NAV3: variants seen among roughly 807,000 people sequenced by gnomAD.
NAV3 encodes the protein neuron navigator 3, also known as pore membrane and/or filament interacting like protein 1.
NAV3 carries 87 observed loss-of-function variants against 244.7 expected under a neutral mutation model. The observed-to-expected ratio is 0.36, with a 90% confidence interval of 0.30 to 0.42. NAV3 has a LOEUF of 0.42. Among genes scored for constraint, NAV3 ranks in the 20% least tolerant of loss-of-function variants. The pLI is 1.00. For missense variants in NAV3, 2,663 were observed against 2,893.3 expected, an observed-to-expected ratio of 0.92 and a Z score of 1.83; for synonymous variants, 1,126 against 1,042.2, an observed-to-expected ratio of 1.08 and a Z score of -1.55.
At chr12:77,718,265 G>A (rs923124161) in intron 2 of NAV3, among the ~76,000 whole-genome samples, 1 of 152,088 alleles carries the variant, frequency 6.6e-6, no homozygotes, top group Non-Finnish European at 1.5e-5. Context: ...TGTACAATAA[G>A]GCTCAAATTT....
intron 1 of NAV3, among the ~76,000 whole-genome samples, chr12:77,860,240 G>A (rs1184603445): frequency 6.6e-6 from 1 of 151,270 alleles, no homozygotes; most frequent in Non-Finnish European, 1.5e-5. Flanking sequence ...GGAAAGAAAG[G>A]ACAACTAAGA....
chr12:77,936,097 C>G (rs1889302742), intron 1 of NAV3, among the ~76,000 whole-genome samples: 1 of 152,152 alleles, frequency 6.6e-6, no homozygotes, highest in African/African-American at 2.4e-5. Flanking sequence ...AAGAAATGTT[C>G]AATCAAAGTC....
At chr12:77,971,701 T>G (rs1022500275) in intron 5 of NAV3, among the ~76,000 whole-genome samples, 1 of 152,126 alleles carries the variant, frequency 6.6e-6, no homozygotes, top group Non-Finnish European at 1.5e-5. Context: ...TGATTTATGA[T>G]GCCTTTCTAT....
rs1292451475 is a variant in NAV3 at position 78,177,208 on chromosome 12, A to T, written c.5192A>T (p.Asp1731Val). 2 of 1,613,496 alleles carry T rather than the reference A, an allele frequency of 1.2e-6. No homozygotes were observed. The highest frequency in any genetic ancestry group is 1.7e-6 in the Non-Finnish European group (2 of 1,179,606). The stretch of plus-strand genomic sequence containing the variant: ...ACCAAGCCTCCTTCATCACATTCTG[A>T]CATTGAAGAGCTTACTGATTCATCC... Reference protein sequence around the residue: ...KSTKPPSSHSDIEELTDSSLP... With the variant: ...KSTKPPSSHSVIEELTDSSLP... The change falls in exon 27 of 40, where the codon GAC (aspartate) becomes GTC (valine). Residue 1731 changes from aspartate to valine, a missense_variant. Asp to Val is a radical substitution (Grantham distance 152, BLOSUM62 -3). Coordinates refer to ENST00000397909, the MANE Select transcript of NAV3 (RefSeq NM_001024383.2).
At position 77,861,233 on chromosome 12, in the gene NAV3, C is replaced by CT. The variant is rs1441758884; in HGVS notation, c.243+29537dup. On this transcript the variant is annotated intron_variant, in intron 1 of 39. Transcript: ENST00000397909. The stretch of plus-strand genomic sequence containing the variant: ...AAAAAAGGAACCGTGTATCTTTCTT[C>CT]TTTTTTTTCCTATTTGTACAGATGA... Among the ~76,000 whole-genome samples, 5 of 151,508 alleles carry CT rather than the reference C, an allele frequency of 3.3e-5. No individual in the cohort carries two copies. In the South Asian group the frequency reaches 6.2e-4, roughly 19 times the overall value.
intron 11 of NAV3, among the ~76,000 whole-genome samples, chr12:78,057,700 T>C (rs1417743058): frequency 3.9e-5 from 6 of 152,214 alleles, no homozygotes; most frequent in Admixed American, 6.6e-5. Context: ...GAGCATATCA[T>C]TGCTGTTTCC....
intron 2 of NAV3, among the ~76,000 whole-genome samples, chr12:77,805,808 G>A (rs1338421171): frequency 6.6e-6 from 1 of 152,024 alleles, no homozygotes; most frequent in African/African-American, 2.4e-5. Flanking sequence ...GGGTTTTTTT[G>A]GTTGGTAGGT....
intron 2 of NAV3, among the ~76,000 whole-genome samples, chr12:77,714,348 T>G (rs1179255746): frequency 6.6e-6 from 1 of 152,076 alleles, no homozygotes; most frequent in African/African-American, 2.4e-5. Flanking sequence ...ATTTTTTTAT[T>G]GTTGTTGTTT....
intron 4 of NAV3, among the ~76,000 whole-genome samples, chr12:77,967,058 A>G (rs1197331619): frequency 6.6e-6 from 1 of 152,094 alleles, no homozygotes; most frequent in Non-Finnish European, 1.5e-5. Context: ...AATGACCAAG[A>G]AGCTTAGGTT....
At chr12:77,824,241 ATTT>A (rs61710960) in intron 2 of NAV3, among the ~76,000 whole-genome samples, 10 of 104,896 alleles carry the variant, frequency 9.5e-5, no homozygotes, top group African/African-American at 2.3e-4. Flanking sequence ...GCCCAACTAA[ATTT>A]TTTTTTTTTT....
chr12:77,858,067 A>G (rs1878666870), intron 1 of NAV3, among the ~76,000 whole-genome samples: 1 of 152,060 alleles, frequency 6.6e-6, no homozygotes, highest in Non-Finnish European at 1.5e-5. Flanking sequence ...TGAGCTTAGG[A>G]ATTTTAAGGG....
At chr12:77,890,340 T>C (rs1369452777) in intron 1 of NAV3, among the ~76,000 whole-genome samples, 1 of 152,046 alleles carries the variant, frequency 6.6e-6, no homozygotes, top group Non-Finnish European at 1.5e-5. Flanking sequence ...GGTCTCAAAC[T>C]CCTTAGCTCA....
At chr12:77,895,955 T>TAAAAAA (rs755975061) in intron 1 of NAV3, among the ~76,000 whole-genome samples, 1 of 104,620 alleles carries the variant, frequency 9.6e-6, no homozygotes, top group African/African-American at 3.6e-5. Flanking sequence ...CAATTTCCAG[T>TAAAAAA]AAAAAAAAAA....
chr12:78,097,806 T>G (rs1447308514), intron 12 of NAV3, among the ~76,000 whole-genome samples: 18 of 152,164 alleles, frequency 1.2e-4, no homozygotes, highest in Admixed American at 1.2e-3. Flanking sequence ...TTGTTGAGCT[T>G]TATCTAAGCT....
chr12:78,075,423 A>G (rs1378914823), intron 12 of NAV3, among the ~76,000 whole-genome samples: 2 of 152,182 alleles, frequency 1.3e-5, no homozygotes, highest in African/African-American at 4.8e-5. Context: ...TGAGAAAAAA[A>G]AAGTATGTAT....
chr12:77,586,707 G>T lies in NAV3; in HGVS notation c.72+14441G>T, dbSNP rs140819568. Among the ~76,000 whole-genome samples, 289 of 152,228 alleles carry T rather than the reference G, an allele frequency of 1.9e-3. 1 individual carries two copies. Among genetic ancestry groups the T allele is most frequent in the African/African-American group, 6.3e-3 (260 of 41,514 alleles). ...ATACAGTATCCACTCGTCACGTGTG[G>T]CTATTTAGATTTAAATTAATCAAAA... On this transcript the variant is annotated intron_variant, in intron 2 of 8. Transcript: ENST00000550042.
At chr12:77,865,374 C>T (rs1434723326) in intron 1 of NAV3, among the ~76,000 whole-genome samples, 2 of 7,268 alleles carry the variant, frequency 2.8e-4, no homozygotes, top group Admixed American at 6.0e-3. Flanking sequence ...ATATTTCAAG[C>T]CCTCTTCTAA....
At chr12:77,699,599 A>G (rs1412953443) in intron 2 of NAV3, among the ~76,000 whole-genome samples, 1 of 151,954 alleles carries the variant, frequency 6.6e-6, no homozygotes, top group African/African-American at 2.4e-5. Flanking sequence ...CCTTGTTTCT[A>G]AGTCTGGTAC....
intron 1 of NAV3, among the ~76,000 whole-genome samples, chr12:77,897,591 G>A (rs764685096): frequency 2.0e-5 from 3 of 152,004 alleles, no homozygotes; most frequent in Non-Finnish European, 2.9e-5. Context: ...GCTGTCCTAG[G>A]CTTCATACTT....
Sources: gnomAD v4.1 joint callset for allele counts (sites outside exome capture counted in the v4.1 genomes callset) on GRCh38, gnomAD v4.1.1 for gene constraint, MANE v1.5 for transcripts, NCBI Gene and HGNC (gene_info 2026-07-23, HGNC 2026-07-21) for gene names.